HUWE1: variants seen among roughly 807,000 people sequenced by gnomAD.
HUWE1 encodes HECT, UBA and WWE domain containing E3 ubiquitin protein ligase 1.
Under a neutral mutation model 299.4 loss-of-function variants are expected in HUWE1, and 18 were observed. That is an observed-to-expected ratio of 0.06 (90% CI 0.04 to 0.09). HUWE1 has a LOEUF of 0.09. Among genes scored for constraint, HUWE1 ranks in the 10% least tolerant of loss-of-function variants. The probability of loss-of-function intolerance (pLI) is 1.00; values close to 1 mark genes in which losing one functional copy is unlikely to be tolerated. For synonymous variants in HUWE1, 1,317 were observed against 1,286.1 expected (o/e 1.02, Z -0.51); for missense variants, 1,832 against 3,462.3 (o/e 0.53, Z 11.82).
chrX:53,646,712 T>C lies in HUWE1; in HGVS notation c.351+656A>G, dbSNP rs1047332589. On this transcript the variant is annotated intron_variant, in intron 6 of 83. Coordinates refer to ENST00000262854, the MANE Select transcript of HUWE1 (RefSeq NM_031407.7). ...CTTCTTTTCCTAAGCCATTTTCTTT[T>C]AAGTTGTTTGTTCTGATTCTGTTTC... Among the ~76,000 whole-genome samples, 4 of 112,098 alleles carry C rather than the reference T, an allele frequency of 3.6e-5. No homozygotes were observed. The Admixed American group carries it at 3.8e-4, about 11-fold the overall frequency.
chrX:53,635,761 T>A (rs2067169663), intron 7 of HUWE1, among the ~76,000 whole-genome samples: 1 of 112,195 alleles, frequency 8.9e-6, no homozygotes, highest in Admixed American at 9.4e-5. Context: ...GCTCTCTCTC[T>A]ACATCTAAGT....
chrX:53,607,798 A>G, intron 24 of HUWE1, 99 bp from the exon 25 acceptor site: 1 of 553,854 alleles, frequency 1.8e-6, no homozygotes, highest in Non-Finnish European at 3.1e-6. Context: ...TCATGATATT[A>G]GTGTTTTCTA....
At chrX:53,555,216 G>A (rs1345092598) in intron 60 of HUWE1, among the ~76,000 whole-genome samples, 2 of 112,058 alleles carry the variant, frequency 1.8e-5, no homozygotes, top group Non-Finnish European at 3.8e-5. Context: ...CATATAGGGT[G>A]AGGCTAAATG....
intron 2 of HUWE1, among the ~76,000 whole-genome samples, chrX:53,683,410 G>A (rs930711522): frequency 4.5e-5 from 5 of 111,233 alleles, no homozygotes; most frequent in Non-Finnish European, 9.4e-5. Context: ...CGTCGGAGGT[G>A]CTGAGAACGG....
chrX:53,540,392 G>A (rs782032009), intron 74 of HUWE1, among the ~76,000 whole-genome samples: 1 of 109,052 alleles, frequency 9.2e-6, no homozygotes, highest in African/African-American at 3.4e-5. Context: ...GCAGTGGTGC[G>A]ACCTTGGCTC....
Position 53,627,849 on chromosome X carries a change from G to C in HUWE1, c.1273C>G (p.Gln425Glu), listed in dbSNP as rs782158570. ...ACGGCTCTGGTGACAAATGTTATCT[G>C]GTCCTGTTCATCGCCAAGAAACTTT... Reference protein sequence around the residue: ...VIKFLGDEQDQITFVTRAVRV... With the variant: ...VIKFLGDEQDEITFVTRAVRV... Residue 425 changes from glutamine (Q) to glutamate (E), a missense_variant, in exon 16 of 84, where the codon CAG (glutamine) becomes GAG (glutamate). Transcript: ENST00000262854. The C allele has an allele frequency of 8.3e-7, 1 of 1,209,406 alleles. No individual in the cohort carries two copies. Among genetic ancestry groups the C allele is most frequent in the Non-Finnish European group, 1.1e-6 (1 of 893,585 alleles).
chrX:53,535,331 G>T, intron 81 of HUWE1, 53 bp downstream of exon 81: 1 of 784,328 alleles, frequency 1.3e-6, no homozygotes, highest in Non-Finnish European at 2.0e-6. Context: ...AATGAATCAA[G>T]TCCGACCTCT....
chrX:53,538,402 A>G lies in HUWE1; in HGVS notation c.11931T>C (p.Leu3977=), dbSNP rs782485371. The part of the protein sequence containing the change: ...NQILRQSTTH[L]ADGPFAVLVD... ...CCAGGACAGCAAAAGGCCCATCAGC[A>G]AGGTGGGTCGTGGACTGCCGTAGGA... The change falls in exon 77 of 84, where the codon CTT becomes CTC. Residue 3977 remains leucine, a synonymous_variant. Transcript: ENST00000262854. The G allele has an allele frequency of 2.5e-6, 3 of 1,210,333 alleles. No individual in the cohort carries two copies. In the East Asian group the frequency reaches 8.9e-5, roughly 36 times the overall value.
rs781802874 is a variant in HUWE1 at position 53,536,651 on chromosome X, C to T, written c.12154G>A (p.Gly4052Arg). ...MKNRLYIVFE[G>R]EEGQDAGGLL... ...CCACCAGCATCCTGCCCTTCTTCTC[C>T]TTCAAATACTATATACCTGCATAAG... The change falls in exon 79 of 84, where the codon GGA becomes AGA. Residue 4052 changes from glycine to arginine, a missense_variant. Gly to Arg is a moderately radical substitution (Grantham distance 125). Coordinates refer to ENST00000262854, the MANE Select transcript of HUWE1 (RefSeq NM_031407.7). 8.3e-7 allele frequency: 1 copy of T among 1,209,291 alleles called. No homozygotes were observed. The highest frequency in any genetic ancestry group is 1.8e-5 in the South Asian group (1 of 56,876).
intron 7 of HUWE1, among the ~76,000 whole-genome samples, chrX:53,641,265 T>C (rs2067570305): frequency 8.9e-6 from 1 of 111,779 alleles, no homozygotes; most frequent in African/African-American, 3.2e-5. Context: ...TAAAAAGCCT[T>C]ATGATAAAAA....
intron 17 of HUWE1, chrX:53,625,990 T>A (rs2066479490): frequency 2.6e-6 from 1 of 383,664 alleles, no homozygotes; most frequent in Non-Finnish European, 5.2e-6. Flanking sequence ...CTGTGCTCCA[T>A]AGAGATGGAT....
intron 60 of HUWE1, among the ~76,000 whole-genome samples, chrX:53,556,600 C>T (rs1274157896): frequency 3.6e-5 from 4 of 111,654 alleles, no homozygotes; most frequent in Non-Finnish European, 5.6e-5. Flanking sequence ...AAAATGGCTA[C>T]TGACCATTGT....
Position 53,647,468 on chromosome X carries a change from G to A in HUWE1, c.251C>T (p.Pro84Leu), listed in dbSNP as rs2149279946. The A allele has an allele frequency of 8.3e-7, 1 of 1,203,815 alleles. No homozygotes were observed. The highest frequency in any genetic ancestry group is 1.8e-5 in the African/African-American group (1 of 56,984). ...NMSWMLVCDR[P>L]EREQLKMLLL... ...AAGCATTTTCAGTTGCTCTCTTTCT[G>A]GCCTATCACATACGAGCATCCATGA... The change falls in exon 6 of 84, where the codon CCA (proline) becomes CTA (leucine). Residue 84 changes from proline to leucine, a missense_variant. Transcript: ENST00000262854.
rs781865228 is a variant in HUWE1, at chrX:53,545,085, A to G, written c.10992T>C (p.Asp3664=). The G allele has an allele frequency of 8.3e-7, 1 of 1,209,947 alleles. No homozygotes were observed. The highest frequency in any genetic ancestry group is 1.1e-6 in the Non-Finnish European group (1 of 894,384). The change falls in exon 71 of 84, where the codon GAT becomes GAC. Residue 3664 remains aspartate (D), a synonymous_variant. Transcript: ENST00000262854. ...TCTGTGGCTGCTCCTCAGGCAGGCC[A>G]TCAGGAGAGAGGGTTTCACATTGGG... is the stretch of plus-strand genomic sequence containing the variant. ...RRAQCETLSP[D]GLPEEQPQTT...
Position 53,534,254 on chromosome X carries a change from G to T in HUWE1, c.12832-57C>A, listed in dbSNP as rs376951101. On this transcript the variant is annotated intron_variant, in intron 82 of 83. Coordinates refer to ENST00000262854, the MANE Select transcript of HUWE1 (RefSeq NM_031407.7). ...GGTAGAAAGCTCCTAGAAGCAGGGT[G>T]GGGGGGATGGAATCTAGGAAACAGG... is the stretch of plus-strand genomic sequence containing the variant. 5.4e-5 allele frequency: 55 copies of T among 1,009,398 alleles called. No homozygotes were observed. The East Asian group carries it at 1.1e-3, about 21-fold the overall frequency. The allele number at this position is 1,009,398 out of a possible 1,213,427, so 83.2% of individuals were successfully genotyped here.
At chrX:53,578,181 C>T (rs1227718608) in intron 43 of HUWE1, among the ~76,000 whole-genome samples, 1 of 102,422 alleles carries the variant, frequency 9.8e-6, no homozygotes, top group Admixed American at 1.0e-4. Flanking sequence ...GCCGCCCTGT[C>T]TGGGATGTGA....
At chrX:53,678,333 A>C (rs186256091) in intron 3 of HUWE1, among the ~76,000 whole-genome samples, 161 of 112,080 alleles carry the variant, frequency 1.4e-3, no homozygotes, top group Admixed American at 9.7e-3. Context: ...AGTTTTAACA[A>C]CACCACCTAT....
intron 7 of HUWE1, among the ~76,000 whole-genome samples, chrX:53,639,187 CA>C (rs782404238): frequency 3.9e-4 from 44 of 111,657 alleles, no homozygotes; most frequent in African/African-American, 1.3e-3. Context: ...GAAAAATGGA[CA>C]AAAGATAAAA....
Position 53,538,320 on chromosome X carries a change from AT to A in HUWE1, c.11996+16del, listed in dbSNP as rs2061159220. 3 of 1,113,310 alleles carry A rather than the reference AT, an allele frequency of 2.7e-6. No individual in the cohort carries two copies. The highest frequency in any genetic ancestry group is 3.7e-6 in the Non-Finnish European group (3 of 807,545). The allele number at this position is 1,113,310 out of a possible 1,213,427, so 91.7% of individuals were successfully genotyped here. ...GTTCTCACCACCCCTCTACCCCCCA[AT>A]ATCCAGGACACATACTTGCGCTTGA... On this transcript the variant is annotated intron_variant, in intron 77 of 83. Coordinates refer to ENST00000262854, the MANE Select transcript of HUWE1 (RefSeq NM_031407.7).
Sources: allele counts gnomAD v4.1 joint callset (sites outside exome capture counted in the v4.1 genomes callset), GRCh38; gene constraint gnomAD v4.1.1; transcripts MANE v1.5; gene names NCBI Gene and HGNC (gene_info 2026-07-23, HGNC 2026-07-21).